The following RALGAPA2 variants were observed in gnomAD, a reference collection of about 807,000 sequenced individuals.
The protein encoded by RALGAPA2 is Ral GTPase activating protein catalytic subunit alpha 2, also known as ral GTPase-activating protein subunit alpha-2.
RALGAPA2 carries 139 observed loss-of-function variants against 230.4 expected under a neutral mutation model. The observed-to-expected ratio is 0.60, with a 90% CI of 0.53 to 0.69. The LOEUF is 0.69. RALGAPA2 is among the 30% of genes least tolerant of loss of function. The probability of loss-of-function intolerance (pLI) is 0.00; values close to 1 mark genes in which losing one functional copy is unlikely to be tolerated. For missense variants in RALGAPA2, 2,163 were observed against 2,276.0 expected, an observed-to-expected ratio of 0.95 and a Z score of 1.01; for synonymous variants, 847 against 837.8, an observed-to-expected ratio of 1.01 and a Z score of -0.19.
chr20:20,536,674 T>C lies in RALGAPA2; in HGVS notation c.3396A>G (p.Thr1132=), dbSNP rs767257763. The part of the protein sequence containing the change: ...QSVPEVNEAI[T]GTEDVKHYLI... ...TATGTACCTTGACATCTTCAGTTCC[T>C]GTAATGGCCTCATTTACTTCTGGCA... is the stretch of plus-strand genomic sequence containing the variant. Residue 1132 remains threonine, a synonymous_variant, in exon 25 of 40, where the codon ACA becomes ACG. Transcript: ENST00000202677. 1.8e-5 allele frequency: 29 copies of C among 1,612,618 alleles called. No homozygotes were observed. The South Asian group carries it at 2.9e-4, about 16-fold the overall frequency.
chr20:20,578,364 T>C (rs1602908315), intron 20 of RALGAPA2, among the ~76,000 whole-genome samples: 1 of 152,272 alleles, frequency 6.6e-6, no homozygotes, highest in East Asian at 1.9e-4. Context: ...ATTTATTTTA[T>C]TTTATTTTTC....
At chr20:20,553,322 C>A (rs1013209689) in intron 23 of RALGAPA2, among the ~76,000 whole-genome samples, 1 of 152,048 alleles carries the variant, frequency 6.6e-6, no homozygotes, top group Admixed American at 6.6e-5. Context: ...GAAGCCAAGG[C>A]GGGAGGATCA....
chr20:20,510,694 C>T (rs2062678989), intron 33 of RALGAPA2, among the ~76,000 whole-genome samples: 1 of 152,156 alleles, frequency 6.6e-6, no homozygotes, highest in African/African-American at 2.4e-5. Flanking sequence ...GTTGTGAGCT[C>T]ATCTTTAGAA....
chr20:20,639,428 T>G (rs959773821), intron 7 of RALGAPA2, among the ~76,000 whole-genome samples: 1 of 152,202 alleles, frequency 6.6e-6, no homozygotes, highest in Non-Finnish European at 1.5e-5. Flanking sequence ...ATGAGGAGAT[T>G]GCTCCATGTG....
chr20:20,469,112 AT>A (rs1253471523), intron 37 of RALGAPA2, among the ~76,000 whole-genome samples: 2 of 152,174 alleles, frequency 1.3e-5, no homozygotes, highest in African/African-American at 4.8e-5. Flanking sequence ...TCACATTTCT[AT>A]TCCTAGCGGC....
intron 30 of RALGAPA2, 138 bp from the exon 31 acceptor site, chr20:20,521,238 T>C (rs972268611): frequency 3.2e-6 from 2 of 626,196 alleles, no homozygotes; most frequent in Non-Finnish European, 2.6e-6. Context: ...CTCTTAAATA[T>C]CTTCTTGCTA....
chr20:20,522,239 A>C (rs2063065665), intron 30 of RALGAPA2, among the ~76,000 whole-genome samples: 1 of 150,600 alleles, frequency 6.6e-6, no homozygotes, highest in Non-Finnish European at 1.5e-5. Context: ...AGAAATGCAT[A>C]CGTATATGTA....
At chr20:20,506,331 T>A (rs1020876672) in intron 33 of RALGAPA2, among the ~76,000 whole-genome samples, 1 of 152,200 alleles carries the variant, frequency 6.6e-6, no homozygotes, top group African/African-American at 2.4e-5. Context: ...TAGTAGGTGT[T>A]CAGTTAAGTC....
intron 24 of RALGAPA2, among the ~76,000 whole-genome samples, chr20:20,546,059 TG>T (rs2063766559): frequency 6.6e-6 from 1 of 152,136 alleles, no homozygotes; most frequent in Non-Finnish European, 1.5e-5. Flanking sequence ...AGAGAATGAA[TG>T]GGACCCTATC....
At chr20:20,659,585 A>G (rs906849551) in intron 3 of RALGAPA2, 1 of 248,576 alleles carries the variant, frequency 4.0e-6, no homozygotes, top group African/African-American at 2.2e-5. Flanking sequence ...ACAGTGAGCT[A>G]TATTTACATA....
rs1347858403 is a variant in RALGAPA2 at position 20,620,573 on chromosome 20, T to G, written c.1291A>C (p.Arg431=). Residue 431 remains arginine, a synonymous_variant, in exon 11 of 40, where the codon AGA becomes CGA. Transcript: ENST00000202677. The part of the protein sequence containing the change: ...AVTRKVVQVY[R]KWILQDKPVF... The stretch of plus-strand genomic sequence containing the variant: ...GGTTTGTCCTGGAGAATCCACTTTC[T>G]GTACACTTGAACTACTTTTCTTGTT... 2 of 1,613,890 alleles carry G rather than the reference T, an allele frequency of 1.2e-6. No homozygotes were observed. Among genetic ancestry groups the G allele is most frequent in the Admixed American group, 3.3e-5 (2 of 60,016 alleles).
chr20:20,556,185 T>A lies in RALGAPA2; in HGVS notation c.3157-9353A>T, dbSNP rs1484064423. ...AGGGCCTCTAAGAAAGAAATGATTCTCCATCAGATGAATCAGCTCGCTCCC... is the reference window on the plus strand; with the variant it reads ...AGGGCCTCTAAGAAAGAAATGATTCACCATCAGATGAATCAGCTCGCTCCC... On this transcript the variant is annotated intron_variant, in intron 23 of 39. Transcript: ENST00000202677. 2.0e-5 allele frequency among the ~76,000 whole-genome samples: 3 copies of A among 152,198 alleles called. No homozygotes were observed. In the East Asian group the frequency reaches 5.8e-4, roughly 29 times the overall value.
rs1602617735 is a variant in RALGAPA2, at chr20:20,516,597, A to G, written c.4085-3313T>C. On this transcript the variant is annotated intron_variant, in intron 31 of 39. Transcript: ENST00000202677. The stretch of plus-strand genomic sequence containing the variant: ...AGCATTCAAGAAAGCCAGCACACTA[A>G]GCATATCTATAACCAAGCAATCTCA... 3.3e-5 allele frequency among the ~76,000 whole-genome samples: 5 copies of G among 152,354 alleles called. 1 individual carries two copies. The South Asian group carries it at 1.0e-3, about 32-fold the overall frequency.
intron 24 of RALGAPA2, among the ~76,000 whole-genome samples, chr20:20,543,927 T>C (rs1602723271): frequency 6.6e-6 from 1 of 150,728 alleles, no homozygotes; most frequent in South Asian, 2.1e-4. Flanking sequence ...TAAAACTGTA[T>C]ATGGTAAAAA....
Position 20,567,531 on chromosome 20 carries a change from G to A in RALGAPA2, c.3156+3927C>T, listed in dbSNP as rs537612200. ...AGCCCAGGCAAAATAAAACGGAAGG[G>A]AGAAACAACATCAAGGCTGTTGGAC... is the stretch of plus-strand genomic sequence containing the variant. On this transcript the variant is annotated intron_variant, in intron 23 of 39. Coordinates refer to ENST00000202677, the MANE Select transcript of RALGAPA2 (RefSeq NM_020343.4). 7.9e-5 allele frequency among the ~76,000 whole-genome samples: 12 copies of A among 152,314 alleles called. No homozygotes were observed. The South Asian group carries it at 2.5e-3, about 32-fold the overall frequency.
At chr20:20,700,407 C>T (rs116778368) in intron 1 of RALGAPA2, among the ~76,000 whole-genome samples, 392 of 152,220 alleles carry the variant, frequency 2.6e-3, no homozygotes, top group African/African-American at 9.1e-3. Flanking sequence ...CATCACACAA[C>T]ATACCCACGT....
At chr20:20,680,417 TTTTC>T (rs1429224497) in intron 2 of RALGAPA2, among the ~76,000 whole-genome samples, 7 of 152,234 alleles carry the variant, frequency 4.6e-5, no homozygotes, top group Non-Finnish European at 1.0e-4. Flanking sequence ...CATGTATTAC[TTTTC>T]TTTCTTTTTC....
chr20:20,602,841 T>TGTGTA (rs947271030), intron 15 of RALGAPA2, among the ~76,000 whole-genome samples: 7 of 150,802 alleles, frequency 4.6e-5, no homozygotes, highest in African/African-American at 1.7e-4. Context: ...TGTGTGTGTG[T>TGTGTA]GTGTAGTGTA....
intron 3 of RALGAPA2, among the ~76,000 whole-genome samples, chr20:20,662,033 A>G (rs1218478133): frequency 1.3e-5 from 2 of 152,242 alleles, no homozygotes; most frequent in African/African-American, 2.4e-5. Context: ...ATTAACACAC[A>G]CTATCTTTGA....
Sources: gnomAD v4.1 joint callset for allele counts (sites outside exome capture counted in the v4.1 genomes callset) on GRCh38, gnomAD v4.1.1 for gene constraint, MANE v1.5 for transcripts, NCBI Gene and HGNC (gene_info 2026-07-23, HGNC 2026-07-21) for gene names.